SUSD1: variants seen among roughly 807,000 people sequenced by gnomAD.
SUSD1 encodes sushi domain-containing protein 1.
A neutral mutation model predicts 86.9 loss-of-function variants in SUSD1; 65 were observed. The observed-to-expected ratio is 0.75, with a 90% CI of 0.61 to 0.92. The LOEUF is 0.92. Among genes scored for constraint, SUSD1 ranks in the 40% least tolerant of loss-of-function variants. The pLI is 0.00. For synonymous variants in SUSD1, 346 were observed against 350.0 expected, an observed-to-expected ratio of 0.99 and a Z score of 0.13; for missense variants, 850 against 929.7, an observed-to-expected ratio of 0.91 and a Z score of 1.11.
At chr9:112,172,081 A>G (rs776843845) in intron 1 of SUSD1, among the ~76,000 whole-genome samples, 15 of 151,992 alleles carry the variant, frequency 9.9e-5, no homozygotes, top group Non-Finnish European at 1.5e-4. Flanking sequence ...CTGTAATCCC[A>G]GCTACTCGGA....
rs149053593 is a variant in SUSD1, at chr9:112,127,843, C to T, written c.707-3407G>A. ...CTGTTGTTGTGATCTCACTCTATTG[C>T]CCAGGCTGGAGTGCAGTGGTGCCAC... is the stretch of plus-strand genomic sequence containing the variant. On this transcript the variant is annotated intron_variant, in intron 5 of 16. Transcript: ENST00000374270. Among the ~76,000 whole-genome samples, 1,495 of 152,278 alleles carry T rather than the reference C, an allele frequency of 9.8e-3. 55 individuals carry two copies. The highest frequency in any genetic ancestry group is 0.071 in the Admixed American group (1,081 of 15,268).
chr9:112,067,832 T>A (rs1052981690), intron 12 of SUSD1, among the ~76,000 whole-genome samples: 1 of 151,240 alleles, frequency 6.6e-6, no homozygotes, highest in Non-Finnish European at 1.5e-5. Flanking sequence ...ACCCTAGCCC[T>A]AAACCCTGCC....
rs185691751 is a variant in SUSD1, at chr9:112,142,157, T to C, written c.706+163A>G. ...ATGATTTGCAGATGATATGATACTA[T>C]TCCTGAAAAATCAAGAAAATCACCT... On this transcript the variant is annotated intron_variant, in intron 5 of 16. Transcript: ENST00000374270. Among the ~76,000 whole-genome samples, 256 of 152,206 alleles carry C rather than the reference T, an allele frequency of 1.7e-3. 6 individuals carry two copies. The highest frequency in any genetic ancestry group is 2.5e-4 in the Non-Finnish European group (17 of 68,010).
intron 15 of SUSD1, among the ~76,000 whole-genome samples, chr9:112,048,136 C>T (rs1044525304): frequency 6.6e-6 from 1 of 152,134 alleles, no homozygotes; most frequent in Non-Finnish European, 1.5e-5. Flanking sequence ...CTCCAACTTC[C>T]CCTATCTCTG....
intron 8 of SUSD1, among the ~76,000 whole-genome samples, chr9:112,105,802 G>A (rs1052372382): frequency 2.0e-5 from 3 of 152,072 alleles, no homozygotes; most frequent in African/African-American, 7.2e-5. Flanking sequence ...CTACCCAGAC[G>A]GAGGTTTCAT....
At chr9:112,068,718 TA>T (rs1179466593) in intron 12 of SUSD1, among the ~76,000 whole-genome samples, 2 of 90,560 alleles carry the variant, frequency 2.2e-5, no homozygotes, top group African/African-American at 1.8e-4. Context: ...AAAAAAAAAA[TA>T]TTTTTAGCCG....
chr9:112,157,663 A>C (rs1833392015), intron 1 of SUSD1, 50 bp from the exon 2 acceptor site: 1 of 1,477,782 alleles, frequency 6.8e-7, no homozygotes, highest in African/African-American at 1.4e-5. Flanking sequence ...AAGATGAGAC[A>C]CATGTAGTTA....
chr9:112,107,892 A>C (rs769732802), intron 8 of SUSD1, among the ~76,000 whole-genome samples: 75 of 152,350 alleles, frequency 4.9e-4, no homozygotes, highest in Non-Finnish European at 9.4e-4. Context: ...GAAGTCCTGA[A>C]TAACCTTATT....
At chr9:112,052,110 G>C in intron 15 of SUSD1, 1 of 1,351,488 alleles carries the variant, frequency 7.4e-7, no homozygotes, top group Non-Finnish European at 9.5e-7. Context: ...GTGACTCTTA[G>C]AAACAGAGAA....
intron 3 of SUSD1, among the ~76,000 whole-genome samples, chr9:112,146,738 C>T (rs7030073): frequency 3.3e-5 from 5 of 152,132 alleles, no homozygotes; most frequent in Non-Finnish European, 1.5e-5. Flanking sequence ...TGGGCTCCAG[C>T]GATCCTCCCA....
chr9:112,154,165 T>C (rs944984892), intron 2 of SUSD1, among the ~76,000 whole-genome samples: 2 of 152,070 alleles, frequency 1.3e-5, no homozygotes, highest in African/African-American at 2.4e-5. Flanking sequence ...TAAAATGTAA[T>C]TGGCTTTGGA....
intron 10 of SUSD1, among the ~76,000 whole-genome samples, chr9:112,084,250 AC>A (rs1197234656): frequency 6.6e-6 from 1 of 152,152 alleles, no homozygotes; most frequent in Non-Finnish European, 1.5e-5. Context: ...TACCCAAATA[AC>A]CTTCTATAGA....
intron 1 of SUSD1, chr9:112,173,429 C>T (rs73540440): frequency 0.034 from 5,292 of 157,684 alleles, 222 homozygotes; most frequent in African/African-American, 0.087. Flanking sequence ...CTCAAGTTTA[C>T]TTATACAAAT....
intron 6 of SUSD1, among the ~76,000 whole-genome samples, chr9:112,122,457 G>A (rs1238111207): frequency 6.6e-6 from 1 of 152,048 alleles, no homozygotes; most frequent in Non-Finnish European, 1.5e-5. Context: ...ACTGCACCCG[G>A]CTAATTTTTG....
intron 8 of SUSD1, among the ~76,000 whole-genome samples, chr9:112,107,268 A>G (rs1479073614): frequency 6.6e-6 from 1 of 150,804 alleles, no homozygotes; most frequent in Non-Finnish European, 1.5e-5. Flanking sequence ...AAAAAAAAAA[A>G]AAAAAGAAAA....
intron 10 of SUSD1, among the ~76,000 whole-genome samples, chr9:112,082,511 A>G (rs1829809529): frequency 6.6e-6 from 1 of 152,160 alleles, no homozygotes; most frequent in Non-Finnish European, 1.5e-5. Context: ...GATGAGCTTT[A>G]AATATGGCGG....
chr9:112,129,778 G>A (rs935365638), intron 5 of SUSD1, among the ~76,000 whole-genome samples: 14 of 152,098 alleles, frequency 9.2e-5, no homozygotes, highest in African/African-American at 2.7e-4. Context: ...CACAAGGTCC[G>A]CTTAAAATCG....
intron 15 of SUSD1, among the ~76,000 whole-genome samples, chr9:112,044,555 G>A (rs1346894818): frequency 1.3e-5 from 2 of 152,210 alleles, no homozygotes; most frequent in Non-Finnish European, 2.9e-5. Context: ...TACTGTTTCA[G>A]ATCATTGGGG....
intron 14 of SUSD1, among the ~76,000 whole-genome samples, chr9:112,057,233 T>C (rs1364478566): frequency 6.6e-6 from 1 of 152,188 alleles, no homozygotes; most frequent in East Asian, 1.9e-4. Context: ...GGCACCTTGA[T>C]CTTGGGCTTC....
Sources: gnomAD v4.1 joint callset for allele counts (sites outside exome capture counted in the v4.1 genomes callset) on GRCh38, gnomAD v4.1.1 for gene constraint, MANE v1.5 for transcripts, NCBI Gene and HGNC (gene_info 2026-07-23, HGNC 2026-07-21) for gene names.